CARD8: variants seen among roughly 807,000 people sequenced by gnomAD.
CARD8 encodes the protein caspase recruitment domain family member 8.
A neutral mutation model predicts 53.2 loss-of-function variants in CARD8; 38 were observed. The observed-to-expected ratio is 0.71, with a 90% CI of 0.55 to 0.94. The LOEUF (loss-of-function observed/expected upper bound fraction) is 0.94. Ranked by LOEUF, CARD8 falls within the 40% of genes least tolerant of loss-of-function variation. CARD8 has a pLI of 0.00. For missense variants in CARD8, 561 were observed against 655.5 expected (o/e 0.86, Z 1.57); for synonymous variants, 245 against 244.9 (o/e 1.00, Z 0.00).
intron 8 of CARD8, 74 bp from the exon 9 acceptor site, chr19:48,231,080 G>T (rs2042792143): frequency 7.9e-7 from 1 of 1,266,040 alleles, no homozygotes; most frequent in Non-Finnish European, 1.1e-6. Context: ...TGCAGAGGGA[G>T]GTGGGATTTG....
intron 4 of CARD8, 42 bp downstream of exon 4, chr19:48,240,920 A>T: frequency 6.9e-7 from 1 of 1,454,058 alleles, no homozygotes; most frequent in Non-Finnish European, 9.3e-7. Context: ...AACACAGAAG[A>T]ATCAGCCATC....
At chr19:48,226,222 ATTTAT>A (rs769704767) in intron 10 of CARD8, among the ~76,000 whole-genome samples, 14 of 151,908 alleles carry the variant, frequency 9.2e-5, no homozygotes, top group Non-Finnish European at 1.9e-4. Flanking sequence ...TCTTTCCAAC[ATTTAT>A]TTTATTTATT....
At chr19:48,220,952 G>GAA (rs1491168543) in intron 11 of CARD8, among the ~76,000 whole-genome samples, 1 of 10,182 alleles carries the variant, frequency 9.8e-5, no homozygotes, top group South Asian at 4.4e-3. Context: ...AGAAAGGAAA[G>GAA]GAAAGGAAGG....
At chr19:48,239,327 C>T (rs1044874227) in intron 4 of CARD8, among the ~76,000 whole-genome samples, 2 of 152,104 alleles carry the variant, frequency 1.3e-5, no homozygotes, top group African/African-American at 2.4e-5. Flanking sequence ...ACAGTACTCT[C>T]GTCACAAATC....
At chr19:48,242,355 C>T (rs2045323090) in intron 3 of CARD8, among the ~76,000 whole-genome samples, 2 of 150,996 alleles carry the variant, frequency 1.3e-5, no homozygotes, top group Admixed American at 1.3e-4. Context: ...TGATCGTGGA[C>T]TTCCCAGCCT....
At chr19:48,216,573 T>C (rs2039348675) in intron 12 of CARD8, among the ~76,000 whole-genome samples, 2 of 152,312 alleles carry the variant, frequency 1.3e-5, no homozygotes, top group South Asian at 4.1e-4. Flanking sequence ...CCAGCTCATG[T>C]GCACCGCCTC....
At chr19:48,249,057 C>G (rs1054019037) in intron 3 of CARD8, among the ~76,000 whole-genome samples, 1 of 151,932 alleles carries the variant, frequency 6.6e-6, no homozygotes, top group Admixed American at 6.6e-5. Flanking sequence ...ATTAGTCGTG[C>G]GTGGTGGCGG....
chr19:48,211,602 C>T lies in CARD8; in HGVS notation c.*108G>A. On this transcript the variant is annotated 3_prime_UTR_variant, in exon 14 of 14. Transcript: ENST00000651546. ...CTGAAAGCCTGTGTGATAGATGTTACCCAGTCTTCTTCTGTCTTGAACACT... is the reference window on the plus strand; with the variant it reads ...CTGAAAGCCTGTGTGATAGATGTTATCCAGTCTTCTTCTGTCTTGAACACT... 2 of 1,092,176 alleles carry T rather than the reference C, an allele frequency of 1.8e-6. No homozygotes were observed. Among genetic ancestry groups the T allele is most frequent in the Non-Finnish European group, 2.7e-6 (2 of 750,748 alleles). 67.7% of individuals were successfully genotyped at this position (1,092,176 alleles called of 1,614,324 possible).
chr19:48,214,869 A>G (rs1600097533), intron 13 of CARD8, among the ~76,000 whole-genome samples: 1 of 134,412 alleles, frequency 7.4e-6, no homozygotes, highest in African/African-American at 2.9e-5. Context: ...GCTCACTGCA[A>G]CCTCTGCCTC....
chr19:48,230,882 G>C lies in CARD8; in HGVS notation c.667C>G (p.Gln223Glu). 1.2e-6 allele frequency: 2 copies of C among 1,614,196 alleles called. No homozygotes were observed. Among genetic ancestry groups the C allele is most frequent in the Non-Finnish European group, 1.7e-6 (2 of 1,180,048 alleles). ...SWSQHLALDL[Q>E]HHEQWLVGGP... ...CCCACCAGCCACTGTTCATGGTGCTGCAGGTCCAGGGCCAGGTGCTGACTC... is the reference window on the plus strand; with the variant it reads ...CCCACCAGCCACTGTTCATGGTGCTCCAGGTCCAGGGCCAGGTGCTGACTC... Residue 223 changes from glutamine (Q) to glutamate (E), a missense_variant, in exon 9 of 14, where the codon CAG (glutamine) becomes GAG (glutamate). Gln to Glu is a conservative substitution (Grantham distance 29, BLOSUM62 2). Coordinates refer to ENST00000651546, the MANE Select transcript of CARD8 (RefSeq NM_001184900.3).
At position 48,249,579 on chromosome 19, in the gene CARD8, G is replaced by A. The variant is rs575562512; in HGVS notation, c.-100C>T. On this transcript the variant is annotated 5_prime_UTR_variant, in exon 3 of 14. Transcript: ENST00000651546. ...GCGTTTACCGCCCACAGCCATCATG[G>A]CGACCGGAAGTCCTGAGAGCTTGTT... 1.3e-5 allele frequency: 2 copies of A among 152,448 alleles called. No individual in the cohort carries two copies. Among genetic ancestry groups the A allele is most frequent in the East Asian group, 3.8e-4 (2 of 5,318 alleles). The allele number at this position is 152,448 out of a possible 1,614,324, so 9.4% of individuals were successfully genotyped here.
At chr19:48,203,768 T>G, downstream of CARD8, 1 of 169,202 alleles carries the variant, frequency 5.9e-6, no homozygotes, top group South Asian at 1.1e-4. Flanking sequence ...GAACTAGCCC[T>G]TCCCGATGTT....
At chr19:48,235,552 T>C (rs2043724164) in intron 5 of CARD8, among the ~76,000 whole-genome samples, 1 of 152,132 alleles carries the variant, frequency 6.6e-6, no homozygotes, top group South Asian at 2.1e-4. Flanking sequence ...GGCAACAAAA[T>C]CTGCTTTGAA....
chr19:48,232,739 T>C (rs2146295129), intron 6 of CARD8: 1 of 647,098 alleles, frequency 1.5e-6, no homozygotes, highest in Admixed American at 2.1e-5. Context: ...TAGCAGAGAA[T>C]GGAACACTCC....
intron 3 of CARD8, among the ~76,000 whole-genome samples, chr19:48,245,902 T>C (rs2046035992): frequency 6.7e-6 from 1 of 149,238 alleles, no homozygotes; most frequent in African/African-American, 2.4e-5. Context: ...GCAATTGTAA[T>C]ATGATAATTA....
chr19:48,206,068 T>G (rs2037333303), downstream of CARD8, among the ~76,000 whole-genome samples: 1 of 151,978 alleles, frequency 6.6e-6, no homozygotes, highest in Non-Finnish European at 1.5e-5. Flanking sequence ...TGGCTAATTT[T>G]TGTATTTTCA....
At chr19:48,238,574 G>A in intron 4 of CARD8, 42 bp from the exon 5 acceptor site, 2 of 1,522,390 alleles carry the variant, frequency 1.3e-6, no homozygotes, top group Non-Finnish European at 1.8e-6. Flanking sequence ...GCATGTCAGA[G>A]GAGCTCGATG....
intron 3 of CARD8, among the ~76,000 whole-genome samples, chr19:48,245,786 CTA>C (rs1462887695): frequency 6.8e-6 from 1 of 148,046 alleles, no homozygotes; most frequent in East Asian, 1.9e-4. Context: ...TATAAAATAA[CTA>C]ATTTATTGTA....
intron 3 of CARD8, among the ~76,000 whole-genome samples, chr19:48,243,075 T>C (rs2045486908): frequency 6.6e-6 from 1 of 152,142 alleles, no homozygotes; most frequent in Non-Finnish European, 1.5e-5. Context: ...ATCATTAATT[T>C]GTAATTAGTC....
Sources: allele counts gnomAD v4.1 joint callset (sites outside exome capture counted in the v4.1 genomes callset), GRCh38; gene constraint gnomAD v4.1.1; transcripts MANE v1.5; gene names NCBI Gene and HGNC (gene_info 2026-07-23, HGNC 2026-07-21).